PIGZ: variants seen among roughly 807,000 people sequenced by gnomAD.
The protein encoded by PIGZ is phosphatidylinositol glycan anchor biosynthesis class Z (Gwada blood group).
Under a neutral mutation model 16.4 loss-of-function variants are expected in PIGZ, and 16 were observed. The observed-to-expected ratio is 0.97, with a 90% CI of 0.66 to 1.48. The LOEUF is 1.48. Among genes scored for constraint, PIGZ ranks in the 40% most tolerant of loss-of-function variants. The pLI is 0.00. For synonymous variants in PIGZ, 409 were observed against 338.4 expected, an observed-to-expected ratio of 1.21 and a Z score of -2.29; for missense variants, 770 against 739.2, an observed-to-expected ratio of 1.04 and a Z score of -0.48.
Position 196,947,307 on chromosome 3 carries a change from G to A in PIGZ, c.1590C>T (p.Ala530=), listed in dbSNP as rs765593884. 3.5e-5 allele frequency: 56 copies of A among 1,614,048 alleles called. No homozygotes were observed. Among genetic ancestry groups the A allele is most frequent in the Middle Eastern group, 1.6e-4 (1 of 6,084 alleles). ...TGAAGGGGAAGCTGCACTTCTCCAC[G>A]GCACGCCTGGTGGTGCCAGGGGTTA... ...FVVTPGTTRR[A]VEKCSFPFKN... The change falls in exon 3 of 3, where the codon GCC becomes GCT. Residue 530 remains alanine, a synonymous_variant. Coordinates refer to ENST00000412723, the MANE Select transcript of PIGZ (RefSeq NM_025163.4).
intron 2 of PIGZ, among the ~76,000 whole-genome samples, chr3:196,949,123 C>G (rs11922888): frequency 0.33 from 48,488 of 147,052 alleles, 9,011 homozygotes; most frequent in East Asian, 0.81. Flanking sequence ...GATCACAGCT[C>G]TCGCTATGTT....
At chr3:196,966,464 G>A (rs1315538285) in intron 1 of PIGZ, among the ~76,000 whole-genome samples, 2 of 152,230 alleles carry the variant, frequency 1.3e-5, no homozygotes, top group Non-Finnish European at 2.9e-5. Flanking sequence ...CAGGCGCCAT[G>A]CGCTGACTGT....
rs997966185 is a variant in PIGZ at position 196,948,003 on chromosome 3, G to A, written c.894C>T (p.His298=). 38 of 1,600,940 alleles carry A rather than the reference G, an allele frequency of 2.4e-5. No homozygotes were observed. Among genetic ancestry groups the A allele is most frequent in the Non-Finnish European group, 2.8e-5 (33 of 1,171,370 alleles). Residue 298 remains histidine (H), a synonymous_variant, in exon 3 of 3, where the codon CAC becomes CAT. Coordinates refer to ENST00000412723, the MANE Select transcript of PIGZ (RefSeq NM_025163.4). ...NLVLTPVNFL[H]YNLNPQNLAR... ...CCAGGTTTTGGGGATTCAGGTTGTA[G>A]TGCAAGAAGTTGACAGGTGTCAGGA...
At chr3:196,952,669 C>G (rs1717335937) in intron 1 of PIGZ, among the ~76,000 whole-genome samples, 1 of 152,194 alleles carries the variant, frequency 6.6e-6, no homozygotes, top group Non-Finnish European at 1.5e-5. Flanking sequence ...AACTCCTGAC[C>G]TCATGATCCG....
chr3:196,967,132 A>G (rs1462188156), intron 1 of PIGZ, among the ~76,000 whole-genome samples: 1 of 151,156 alleles, frequency 6.6e-6, no homozygotes, highest in Non-Finnish European at 1.5e-5. Context: ...CGGGAAAGAC[A>G]GCACATCTGC....
At chr3:196,960,028 T>C (rs1717645788) in intron 1 of PIGZ, among the ~76,000 whole-genome samples, 1 of 152,246 alleles carries the variant, frequency 6.6e-6, no homozygotes, top group Non-Finnish European at 1.5e-5. Context: ...GTGCATCAGC[T>C]TTCCACTATC....
rs149019601 is a variant in PIGZ at position 196,964,876 on chromosome 3, T to C, written c.-1+3811A>G. On this transcript the variant is annotated intron_variant, in intron 1 of 2. Transcript: ENST00000412723. ...CTCAGCCTCTATGAACCTATTCTTA[T>C]CCCTGTCTTACACACAAATGAACAG... Among the ~76,000 whole-genome samples, 1,073 of 152,252 alleles carry C rather than the reference T, an allele frequency of 7.0e-3. 9 individuals are homozygous for C. Among genetic ancestry groups the C allele is most frequent in the Middle Eastern group, 0.014 (4 of 294 alleles).
At chr3:196,967,936 AT>A (rs1219686079) in intron 1 of PIGZ, among the ~76,000 whole-genome samples, 2 of 152,170 alleles carry the variant, frequency 1.3e-5, no homozygotes, top group Non-Finnish European at 2.9e-5. Context: ...GGTGTTGACG[AT>A]TTTGAAAGTA....
intron 1 of PIGZ, among the ~76,000 whole-genome samples, chr3:196,966,362 T>C (rs909463002): frequency 1.3e-5 from 2 of 152,204 alleles, no homozygotes; most frequent in African/African-American, 4.8e-5. Flanking sequence ...CAGACATAAG[T>C]GGTTGCTTTC....
intron 1 of PIGZ, among the ~76,000 whole-genome samples, chr3:196,967,299 T>G (rs1717969751): frequency 6.6e-6 from 1 of 152,108 alleles, no homozygotes. Flanking sequence ...CCGTGTCTGC[T>G]CCAGGGACAG....
chr3:196,948,687 T>C lies in PIGZ; in HGVS notation c.212-2A>G. 6.9e-7 allele frequency: 1 copy of C among 1,446,968 alleles called. No individual in the cohort carries two copies. The highest frequency in any genetic ancestry group is 9.1e-7 in the Non-Finnish European group (1 of 1,102,352). 89.6% of individuals were successfully genotyped at this position (1,446,968 alleles called of 1,614,324 possible). ...CGGCCTGAACGCCCAGGATGTCCTCTGCAGAGAGAGGCAGAGGTGAGCCAG... is the reference window on the plus strand; with the variant it reads ...CGGCCTGAACGCCCAGGATGTCCTCCGCAGAGAGAGGCAGAGGTGAGCCAG... On this transcript the variant is annotated splice_acceptor_variant, in intron 2 of 2. Transcript: ENST00000412723. LOFTEE classifies it high-confidence loss of function.
Position 196,948,209 on chromosome 3 carries a change from A to G in PIGZ, c.688T>C (p.Phe230Leu), listed in dbSNP as rs1717015113. The G allele has an allele frequency of 5.0e-6, 8 of 1,614,186 alleles. No individual in the cohort carries two copies. The East Asian group carries it at 1.6e-4, about 31-fold the overall frequency. The change falls in exon 3 of 3, where the codon TTT becomes CTT. Residue 230 changes from phenylalanine to leucine, a missense_variant. By Grantham distance (22) the Phe-to-Leu change is conservative (BLOSUM62 0). Transcript: ENST00000412723. ...VAAGFFNRPT[F>L]LAFAVVPLYL... ...AGGGGGACCACAGCAAAGGCCAGAA[A>G]GGTGGGCCGGTTGAAGAAGCCAGCA...
At position 196,948,634 on chromosome 3, in the gene PIGZ, C is replaced by G; in HGVS notation, c.263G>C (p.Ser88Thr). 6.7e-7 allele frequency: 1 copy of G among 1,492,234 alleles called. No homozygotes were observed. 92.4% of individuals were successfully genotyped at this position (1,492,234 alleles called of 1,614,324 possible). A position where few individuals can be genotyped will look rare whatever the true frequency, so the allele number is the denominator to read the frequency against. The change falls in exon 3 of 3, where the codon AGC becomes ACC. Residue 88 changes from serine to threonine, a missense_variant. Physicochemically the swap from Ser to Thr is moderately conservative, Grantham distance 58 (BLOSUM62 1). Coordinates refer to ENST00000412723, the MANE Select transcript of PIGZ (RefSeq NM_025163.4). Reference sequence around the variant, plus strand: ...GGGGAAGAGCACCGAGCGGCAGGAGCTGCTGGGGTAAAACTCCCAGGGCCG... The same window carrying G: ...GGGGAAGAGCACCGAGCGGCAGGAGGTGCTGGGGTAAAACTCCCAGGGCCG... ...AARPWEFYPS[S>T]SCRSVLFPLL...
At chr3:196,968,230 TCGG>T (rs1718013064) in intron 1 of PIGZ, among the ~76,000 whole-genome samples, 2 of 152,196 alleles carry the variant, frequency 1.3e-5, no homozygotes, top group Admixed American at 1.3e-4. Flanking sequence ...GAGATTCTTC[TCGG>T]CTTCGTGCTC....
At chr3:196,958,131 C>T (rs1170681443) in intron 1 of PIGZ, among the ~76,000 whole-genome samples, 1 of 152,210 alleles carries the variant, frequency 6.6e-6, no homozygotes, top group East Asian at 1.9e-4. Flanking sequence ...CTTCGGCTTA[C>T]ATACTATTTT....
chr3:196,954,263 G>A (rs1717397514), intron 1 of PIGZ, among the ~76,000 whole-genome samples: 1 of 151,810 alleles, frequency 6.6e-6, no homozygotes, highest in South Asian at 2.1e-4. Flanking sequence ...CTAGCCTGGA[G>A]GACAGAGCAA....
chr3:196,961,948 C>T (rs1340994008), intron 1 of PIGZ, among the ~76,000 whole-genome samples: 1 of 152,156 alleles, frequency 6.6e-6, no homozygotes, highest in Non-Finnish European at 1.5e-5. Flanking sequence ...CATCCTTGTC[C>T]ACCACCCCAG....
At chr3:196,952,087 G>C in intron 1 of PIGZ, 56 bp from the exon 2 acceptor site, 1 of 1,469,002 alleles carries the variant, frequency 6.8e-7, no homozygotes, top group Non-Finnish European at 9.4e-7. Flanking sequence ...ATATTCAACT[G>C]TCTGAACAAA....
At chr3:196,962,496 A>C (rs1354625652) in intron 1 of PIGZ, among the ~76,000 whole-genome samples, 1 of 152,174 alleles carries the variant, frequency 6.6e-6, no homozygotes, top group East Asian at 1.9e-4. Context: ...GATTACTGAA[A>C]GAGGAAGGCC....
Sources: allele counts gnomAD v4.1 joint callset (sites outside exome capture counted in the v4.1 genomes callset), GRCh38; gene constraint gnomAD v4.1.1; transcripts MANE v1.5; gene names NCBI Gene and HGNC (gene_info 2026-07-23, HGNC 2026-07-21).